Variants in CERS3 observed in about 807,000 individuals in gnomAD.
The protein encoded by CERS3 is LAG1 homolog, ceramide synthase 3.
A neutral mutation model predicts 50.3 loss-of-function variants in CERS3; 33 were observed. The observed-to-expected ratio is 0.66, with a 90% CI of 0.50 to 0.88. The LOEUF (loss-of-function observed/expected upper bound fraction) is 0.88, where lower values mean the gene tolerates loss of function less well. CERS3 is among the 40% of genes least tolerant of loss of function. The probability of loss-of-function intolerance (pLI) is 0.00; values close to 1 mark genes in which losing one functional copy is unlikely to be tolerated. For synonymous variants in CERS3, 176 were observed against 155.2 expected, an observed-to-expected ratio of 1.13 and a Z score of -0.99; for missense variants, 470 against 460.3, an observed-to-expected ratio of 1.02 and a Z score of -0.19.
intron 11 of CERS3, among the ~76,000 whole-genome samples, chr15:100,430,199 G>C (rs1025992965): frequency 8.6e-5 from 13 of 151,482 alleles, no homozygotes; most frequent in Admixed American, 3.3e-4. Flanking sequence ...GTAGTCCCAG[G>C]TACTCGGGAG....
intron 2 of CERS3, among the ~76,000 whole-genome samples, chr15:100,517,211 A>G (rs905544): frequency 0.58 from 87,656 of 152,136 alleles, 25,716 homozygotes; most frequent in Admixed American, 0.63. Context: ...AATAAAGTAC[A>G]TCATGTGTCT....
chr15:100,435,518 C>T (rs567897513), intron 11 of CERS3, among the ~76,000 whole-genome samples: 2 of 152,140 alleles, frequency 1.3e-5, no homozygotes, highest in Admixed American at 6.5e-5. Context: ...ACCATAAAAG[C>T]CCTAGAAGAA....
At chr15:100,540,406 T>C (rs2037172241) in intron 1 of CERS3, among the ~76,000 whole-genome samples, 1 of 152,028 alleles carries the variant, frequency 6.6e-6, no homozygotes, top group African/African-American at 2.4e-5. Flanking sequence ...TAGCCGGGCG[T>C]GGTGACAGGC....
chr15:100,479,986 T>C lies in CERS3; in HGVS notation c.465+3A>G. On this transcript the variant is annotated splice_donor_region_variant and intron_variant, in intron 6 of 11. Transcript: ENST00000679737. ...CAATCGAAGATATAAAAAGATAACTTACATCATAAAGAAACGCAATTCCAG... is the reference window on the plus strand; with the variant it reads ...CAATCGAAGATATAAAAAGATAACTCACATCATAAAGAAACGCAATTCCAG... 6.2e-7 allele frequency: 1 copy of C among 1,601,750 alleles called. No individual in the cohort carries two copies. Among genetic ancestry groups the C allele is most frequent in the Non-Finnish European group, 8.5e-7 (1 of 1,173,214 alleles).
intron 2 of CERS3, among the ~76,000 whole-genome samples, chr15:100,521,418 A>G (rs898327124): frequency 6.6e-6 from 1 of 152,150 alleles, no homozygotes; most frequent in African/African-American, 2.4e-5. Context: ...CCACCCCCTG[A>G]TGGCTCTTTG....
rs528867555 is a variant in CERS3, at chr15:100,413,278, C to G, written c.1000-10413G>C. 1.5e-4 allele frequency among the ~76,000 whole-genome samples: 23 copies of G among 152,208 alleles called. No individual in the cohort carries two copies. The South Asian group carries it at 4.8e-3, about 32-fold the overall frequency. On this transcript the variant is annotated intron_variant, in intron 11 of 11. Coordinates refer to ENST00000679737, the MANE Select transcript of CERS3 (RefSeq NM_001378789.1). ...AAAACATTTTGAAAATAAAAATTCT[C>G]TGGGATTTTAAGTAAAGCAACATTC...
chr15:100,417,492 C>G (rs1447310699), intron 11 of CERS3, among the ~76,000 whole-genome samples: 1 of 151,976 alleles, frequency 6.6e-6, no homozygotes, highest in Non-Finnish European at 1.5e-5. Flanking sequence ...AAGGCAGCAG[C>G]GAGGCTGGGG....
chr15:100,441,813 G>C (rs2654594), intron 11 of CERS3, among the ~76,000 whole-genome samples: 144,638 of 151,830 alleles, frequency 0.95, 69,306 homozygotes, highest in East Asian at 1. Flanking sequence ...CCCCCAGTCT[G>C]TGTTCCCAGT....
intron 11 of CERS3, among the ~76,000 whole-genome samples, chr15:100,442,745 G>A (rs970607458): frequency 3.3e-5 from 5 of 152,208 alleles, no homozygotes; most frequent in Admixed American, 6.5e-5. Flanking sequence ...AGATCTTCTC[G>A]GCTTAGCAGC....
chr15:100,400,503 T>C lies in CERS3; in HGVS notation c.*2210A>G, dbSNP rs1439558083. 1 of 152,166 alleles carries C rather than the reference T, an allele frequency of 6.6e-6. No individual in the cohort carries two copies. Among genetic ancestry groups the C allele is most frequent in the Non-Finnish European group, 1.5e-5 (1 of 68,032 alleles). 9.4% of individuals were successfully genotyped at this position (152,166 alleles called of 1,614,324 possible). A position where few individuals can be genotyped will look rare whatever the true frequency, so the allele number is the denominator to read the frequency against. ...AAGAATCCTGAGCCCTTGTTTCCTGTAGAAAGAGTGGTTTCCTTTAAAATT... is the reference window on the plus strand; with the variant it reads ...AAGAATCCTGAGCCCTTGTTTCCTGCAGAAAGAGTGGTTTCCTTTAAAATT... On this transcript the variant is annotated 3_prime_UTR_variant, in exon 12 of 12. Transcript: ENST00000679737.
At chr15:100,443,270 C>G (rs1034209664) in intron 11 of CERS3, among the ~76,000 whole-genome samples, 1,560 of 143,118 alleles carry the variant, frequency 0.011, no homozygotes, top group African/African-American at 0.044. Flanking sequence ...TTACCCCGCT[C>G]AACGCCAATA....
At chr15:100,525,251 G>C (rs2036752119) in intron 1 of CERS3, among the ~76,000 whole-genome samples, 1 of 152,040 alleles carries the variant, frequency 6.6e-6, no homozygotes, top group Non-Finnish European at 1.5e-5. Flanking sequence ...ACAATAAAGA[G>C]GAAACTTTCC....
intron 11 of CERS3, among the ~76,000 whole-genome samples, chr15:100,410,484 T>G (rs1027327724): frequency 1.3e-5 from 2 of 152,138 alleles, no homozygotes; most frequent in Non-Finnish European, 2.9e-5. Flanking sequence ...GACCTTCCCC[T>G]GATTAAAGTT....
At chr15:100,510,026 CA>C (rs10693093) in intron 2 of CERS3, among the ~76,000 whole-genome samples, 6,603 of 144,910 alleles carry the variant, frequency 0.046, 252 homozygotes, top group Admixed American at 0.1. Flanking sequence ...CAAACCCAGC[CA>C]AAAAAAAAAA....
chr15:100,480,733 AGATACT>A, intron 5 of CERS3, among the ~76,000 whole-genome samples: 1 of 152,330 alleles, frequency 6.6e-6, no homozygotes. Flanking sequence ...AAAAATCATA[AGATACT>A]GATATTGCAA....
At position 100,521,768 on chromosome 15, in the gene CERS3, G is replaced by A. The variant is rs1019327523; in HGVS notation, c.-91-12C>T. On this transcript the variant is annotated splice_polypyrimidine_tract_variant and intron_variant, in intron 1 of 11. Transcript: ENST00000679737. ...GTTTCACAACATCCCTAAAGAAGCA[G>A]AAAAAGAGAAACATAATTAATATAT... 1 of 152,106 alleles carries A rather than the reference G, an allele frequency of 6.6e-6. No individual in the cohort carries two copies. The allele number at this position is 152,106 out of a possible 1,614,324, so 9.4% of individuals were successfully genotyped here.
chr15:100,408,821 G>A (rs982958245), intron 11 of CERS3: 1 of 152,160 alleles, frequency 6.6e-6, no homozygotes, highest in Non-Finnish European at 1.5e-5. Flanking sequence ...CTTACCATGT[G>A]GCAGGCTCGG....
At chr15:100,523,256 T>C (rs1326833780) in intron 1 of CERS3, among the ~76,000 whole-genome samples, 1 of 152,248 alleles carries the variant, frequency 6.6e-6, no homozygotes, top group Non-Finnish European at 1.5e-5. Context: ...GTTATATGCA[T>C]GACTCCTTAC....
intron 1 of CERS3, among the ~76,000 whole-genome samples, chr15:100,541,000 C>T (rs2037189417): frequency 6.6e-6 from 1 of 152,124 alleles, no homozygotes; most frequent in Non-Finnish European, 1.5e-5. Flanking sequence ...AGAGAAATCG[C>T]AGTGAACAAG....
Sources: gnomAD v4.1 joint callset for allele counts (sites outside exome capture counted in the v4.1 genomes callset) on GRCh38, gnomAD v4.1.1 for gene constraint, MANE v1.5 for transcripts, NCBI Gene and HGNC (gene_info 2026-07-23, HGNC 2026-07-21) for gene names.